SERPINB13: variants seen among roughly 807,000 people sequenced by gnomAD.
SERPINB13 encodes serpin B13.
A neutral mutation model predicts 31.2 loss-of-function variants in SERPINB13; 26 were observed. That is an observed-to-expected ratio of 0.83 (90% CI 0.61 to 1.15). SERPINB13 has a LOEUF of 1.15. Ranked by LOEUF, SERPINB13 falls within the 50% of genes most tolerant of loss-of-function variation. The pLI is 0.00. For synonymous variants in SERPINB13, 191 were observed against 172.4 expected (o/e 1.11, Z -0.85); for missense variants, 510 against 469.4 (o/e 1.09, Z -0.80).
Position 63,594,381 on chromosome 18 carries a change from G to T in SERPINB13, c.499G>T (p.Gly167Cys). 6.2e-7 allele frequency: 1 copy of T among 1,614,132 alleles called. No individual in the cohort carries two copies. The highest frequency in any genetic ancestry group is 8.5e-7 in the Non-Finnish European group (1 of 1,180,014). Residue 167 changes from glycine to cysteine, a missense_variant, in exon 6 of 8, where the codon GGC becomes TGC. Transcript: ENST00000344731. ...NEKIKDLFPD[G>C]SISSSTKLVL... ...AAAAATCAAGGACTTGTTCCCAGAT[G>T]GCTCTATTAGTAGCTCTACCAAGCT...
chr18:63,596,934 T>C, intron 7 of SERPINB13, 25 bp from the exon 8 acceptor site: 2 of 1,560,488 alleles, frequency 1.3e-6, no homozygotes, highest in Non-Finnish European at 1.7e-6. Flanking sequence ...ATCATGCCAT[T>C]CTACTCTTCT....
chr18:63,593,022 A>C, intron 5 of SERPINB13, 51 bp downstream of exon 5: 1 of 1,214,422 alleles, frequency 8.2e-7, no homozygotes, highest in Non-Finnish European at 1.2e-6. Context: ...CAAAGAAACA[A>C]ACAAACAAAA....
At chr18:63,594,637 G>A (rs990193538) in intron 6 of SERPINB13, 140 bp downstream of exon 6, 11 of 867,718 alleles carry the variant, frequency 1.3e-5, no homozygotes, top group East Asian at 2.6e-5. Flanking sequence ...TCAAGGGATC[G>A]AGACTATCCT....
intron 3 of SERPINB13, 84 bp downstream of exon 3, chr18:63,589,799 T>G (rs1387554760): frequency 6.2e-7 from 1 of 1,604,172 alleles, no homozygotes; most frequent in African/African-American, 1.3e-5. Context: ...GTGGGGTCTC[T>G]GGGGAAAAGG....
At chr18:63,594,299 C>A (rs545075987) in intron 5 of SERPINB13, 56 bp from the exon 6 acceptor site, 2 of 1,608,006 alleles carry the variant, frequency 1.2e-6, no homozygotes, top group African/African-American at 2.7e-5. Flanking sequence ...ATTTGTCATA[C>A]ATATTATTTG....
chr18:63,592,953 G>C lies in SERPINB13; in HGVS notation c.454G>C (p.Val152Leu). ...AAGTCGAAAGAAGATTAATTCCTGG[G>C]TTGAAAGCAAAACAAATGGTAGAGT... ...DESRKKINSW[V>L]ESKTNEKIKD... Residue 152 changes from valine to leucine, a missense_variant, in exon 5 of 8, where the codon GTT (valine) becomes CTT (leucine). Coordinates refer to ENST00000344731, the MANE Select transcript of SERPINB13 (RefSeq NM_012397.4). The C allele has an allele frequency of 3.1e-6, 5 of 1,611,436 alleles. No homozygotes were observed. Among genetic ancestry groups the C allele is most frequent in the Non-Finnish European group, 4.2e-6 (5 of 1,178,476 alleles).
At chr18:63,594,556 C>A (rs1912048972) in intron 6 of SERPINB13, 59 bp downstream of exon 6, 1 of 1,572,366 alleles carries the variant, frequency 6.4e-7, no homozygotes, top group Admixed American at 1.8e-5. Context: ...AGTCTAAAGT[C>A]ATGGCTGGGC....
In SERPINB13 at chr18:63,589,645, A is replaced by G. The variant is rs1911732174; in HGVS notation, c.166-11A>G. 6.2e-7 allele frequency: 1 copy of G among 1,612,900 alleles called. No individual in the cohort carries two copies. The highest frequency in any genetic ancestry group is 8.5e-7 in the Non-Finnish European group (1 of 1,179,502). ...TCTGAGCACCACAGTAATATTTTCTATCTCTTCCAGGTGTTTCACTCTGAA... is the reference window on the plus strand; with the variant it reads ...TCTGAGCACCACAGTAATATTTTCTGTCTCTTCCAGGTGTTTCACTCTGAA... On this transcript the variant is annotated splice_polypyrimidine_tract_variant and intron_variant, in intron 2 of 7. Transcript: ENST00000344731.
chr18:63,588,510 A>G, intron 1 of SERPINB13, 141 bp from the exon 2 acceptor site: 1 of 747,340 alleles, frequency 1.3e-6, no homozygotes, highest in Non-Finnish European at 2.2e-6. Flanking sequence ...CGTGAGAAGC[A>G]GGCAGCAGCG....
In SERPINB13 at chr18:63,598,028, C is replaced by T. The variant is rs1218678472; in HGVS notation, c.*665C>T. 5.9e-5 allele frequency: 9 copies of T among 151,770 alleles called. No individual in the cohort carries two copies. Among genetic ancestry groups the T allele is most frequent in the African/African-American group, 1.2e-4 (5 of 41,308 alleles). 9.4% of individuals were successfully genotyped at this position (151,770 alleles called of 1,614,324 possible). On this transcript the variant is annotated 3_prime_UTR_variant, in exon 8 of 8. Transcript: ENST00000344731. Reference sequence around the variant, plus strand: ...GATGTAGTTGATCAGTATTCCTCCTCTATCACCTTTTTAGACTTTGTAAGG... The same window carrying T: ...GATGTAGTTGATCAGTATTCCTCCTTTATCACCTTTTTAGACTTTGTAAGG...
At chr18:63,592,791 A>T in intron 4 of SERPINB13, 63 bp from the exon 5 acceptor site, 1 of 1,034,188 alleles carries the variant, frequency 9.7e-7, no homozygotes, top group Non-Finnish European at 1.5e-6. Flanking sequence ...TTATTTAGAG[A>T]TGTTGGCAAT....
At chr18:63,594,300 A>G (rs1376147541) in intron 5 of SERPINB13, 55 bp from the exon 6 acceptor site, 4 of 1,609,216 alleles carry the variant, frequency 2.5e-6, no homozygotes, top group Non-Finnish European at 3.4e-6. Context: ...TTTGTCATAC[A>G]TATTATTTGT....
At chr18:63,591,710 G>A (rs1287100817) in intron 3 of SERPINB13, among the ~76,000 whole-genome samples, 1 of 151,810 alleles carries the variant, frequency 6.6e-6, no homozygotes, top group Non-Finnish European at 1.5e-5. Context: ...GCTGAAATAT[G>A]TATCTTATAT....
At chr18:63,591,408 TTTCC>T (rs796398994) in intron 3 of SERPINB13, among the ~76,000 whole-genome samples, 336 of 118,776 alleles carry the variant, frequency 2.8e-3, no homozygotes, top group African/African-American at 6.7e-3. Context: ...TCCTTTTTTC[TTTCC>T]TTCCTTCCTT....
In SERPINB13 at chr18:63,598,257, A is replaced by G. The variant is rs1333291004; in HGVS notation, c.*894A>G. ...TTCCTCCAGTTTTTAACAAGATCACATAACTGGCTTATTTTTAACAGCTTT... is the reference window on the plus strand; with the variant it reads ...TTCCTCCAGTTTTTAACAAGATCACGTAACTGGCTTATTTTTAACAGCTTT... On this transcript the variant is annotated 3_prime_UTR_variant, in exon 8 of 8. Coordinates refer to ENST00000344731, the MANE Select transcript of SERPINB13 (RefSeq NM_012397.4). The G allele has an allele frequency of 6.6e-6, 1 of 152,124 alleles. No individual in the cohort carries two copies. Among genetic ancestry groups the G allele is most frequent in the Non-Finnish European group, 1.5e-5 (1 of 68,018 alleles). The allele number at this position is 152,124 out of a possible 1,614,324, so 9.4% of individuals were successfully genotyped here.
At chr18:63,596,333 A>G (rs1182284515) in intron 7 of SERPINB13, among the ~76,000 whole-genome samples, 1 of 152,244 alleles carries the variant, frequency 6.6e-6, no homozygotes, top group Non-Finnish European at 1.5e-5. Context: ...ATTACTCTAA[A>G]GAAATAATGC....
chr18:63,592,981 G>A lies in SERPINB13; in HGVS notation c.472+10G>A, dbSNP rs781643016. On this transcript the variant is annotated intron_variant, in intron 5 of 7. Coordinates refer to ENST00000344731, the MANE Select transcript of SERPINB13 (RefSeq NM_012397.4). ...GAAAGCAAAACAAATGGTAGAGTATGGGTGGGTCATTCATTGCAAAAAAAC... is the reference window on the plus strand; with the variant it reads ...GAAAGCAAAACAAATGGTAGAGTATAGGTGGGTCATTCATTGCAAAAAAAC... 4 of 1,509,446 alleles carry A rather than the reference G, an allele frequency of 2.6e-6. No homozygotes were observed. The East Asian group carries it at 6.8e-5, about 25-fold the overall frequency. The allele number at this position is 1,509,446 out of a possible 1,614,324, so 93.5% of individuals were successfully genotyped here. A position where few individuals can be genotyped will look rare whatever the true frequency, so the allele number is the denominator to read the frequency against.
In SERPINB13 at chr18:63,597,143, T is replaced by C. The variant is rs994940612; in HGVS notation, c.956T>C (p.Met319Thr). The change falls in exon 8 of 8, where the codon ATG (methionine) becomes ACG (threonine). Residue 319 changes from methionine (M) to threonine (T), a missense_variant. Met to Thr is a moderately conservative substitution (Grantham distance 81). Coordinates refer to ENST00000344731, the MANE Select transcript of SERPINB13 (RefSeq NM_012397.4). ...FSEHKADYSG[M>T]SSGSGLYAQK... ...GAGCACAAAGCCGACTACTCGGGAA[T>C]GTCGTCAGGCTCCGGGTTGTACGCC... The C allele has an allele frequency of 3.1e-6, 5 of 1,614,088 alleles. No homozygotes were observed. In the Admixed American group the frequency reaches 5.0e-5, roughly 16 times the overall value.
intron 3 of SERPINB13, among the ~76,000 whole-genome samples, chr18:63,591,985 G>T (rs891750698): frequency 1.2e-4 from 18 of 152,082 alleles, no homozygotes; most frequent in African/African-American, 4.1e-4. Flanking sequence ...GAATCGTCCG[G>T]AGAAATCACT....
Sources: gnomAD v4.1 joint callset for allele counts (sites outside exome capture counted in the v4.1 genomes callset) on GRCh38, gnomAD v4.1.1 for gene constraint, MANE v1.5 for transcripts, NCBI Gene and HGNC (gene_info 2026-07-23, HGNC 2026-07-21) for gene names.